GALNT13: variants seen among roughly 807,000 people sequenced by gnomAD.
The protein encoded by GALNT13 is polypeptide N-acetylgalactosaminyltransferase 13, also known as UDP-GalNAc:polypeptide N-acetylgalactosaminyltransferase 13.
A neutral mutation model predicts 64.2 loss-of-function variants in GALNT13; 28 were observed. The ratio of observed to expected loss-of-function variants is 0.44; its 90% confidence interval spans 0.32 to 0.60. The LOEUF is 0.60. Ranked by LOEUF, GALNT13 falls within the 20% of genes least tolerant of loss-of-function variation. The probability of loss-of-function intolerance (pLI) is 0.05; values close to 1 mark genes in which losing one functional copy is unlikely to be tolerated. For synonymous variants in GALNT13, 214 were observed against 224.6 expected (o/e 0.95, Z 0.42); for missense variants, 577 against 669.8 (o/e 0.86, Z 1.53).
At chr2:153,253,196 T>A in the GALNT13 span, among the ~76,000 whole-genome samples, 1 of 149,870 alleles carries the variant, frequency 6.7e-6, no homozygotes, top group Non-Finnish European at 1.5e-5. Flanking sequence ...CCCTTGTAAG[T>A]TGGATTCCTA....
intron 9 of GALNT13, among the ~76,000 whole-genome samples, chr2:154,366,631 T>A (rs1574170701): frequency 6.6e-6 from 1 of 152,160 alleles, no homozygotes; most frequent in Non-Finnish European, 1.5e-5. Context: ...TTCTGAGCAG[T>A]GTTAATCAGG....
chr2:154,373,646 C>T (rs562404687), intron 9 of GALNT13, among the ~76,000 whole-genome samples: 1 of 152,234 alleles, frequency 6.6e-6, no homozygotes, highest in African/African-American at 2.4e-5. Context: ...AAAGAGCATC[C>T]CATGTTTCCA....
intron 3 of GALNT13, among the ~76,000 whole-genome samples, chr2:154,115,247 T>TA (rs1703221762): frequency 6.6e-6 from 1 of 152,194 alleles, no homozygotes. Flanking sequence ...ATCCATATTT[T>TA]AGCTAACTAA....
At chr2:153,712,527 T>C in the GALNT13 span, among the ~76,000 whole-genome samples, 5 of 152,158 alleles carry the variant, frequency 3.3e-5, no homozygotes, top group Non-Finnish European at 7.4e-5. Context: ...AAATAAGTTA[T>C]TGGGTTTCAA....
chr2:153,950,231 C>G (rs1196713914), intron 3 of GALNT13, among the ~76,000 whole-genome samples: 1 of 151,486 alleles, frequency 6.6e-6, no homozygotes, highest in Non-Finnish European at 1.5e-5. Context: ...TTATATATAT[C>G]AAGTATATAT....
chr2:153,621,384 A>G, the GALNT13 span, among the ~76,000 whole-genome samples: 3 of 152,102 alleles, frequency 2.0e-5, no homozygotes, highest in Non-Finnish European at 2.9e-5. Flanking sequence ...CAATGACTGT[A>G]TTGGGTCAGA....
chr2:153,654,837 A>G, the GALNT13 span, among the ~76,000 whole-genome samples: 1 of 151,986 alleles, frequency 6.6e-6, no homozygotes, highest in African/African-American at 2.4e-5. Flanking sequence ...GGAGCAGGTG[A>G]TCTTGGAGCC....
At chr2:154,118,814 T>A (rs1312634954) in intron 3 of GALNT13, among the ~76,000 whole-genome samples, 1 of 152,116 alleles carries the variant, frequency 6.6e-6, no homozygotes, top group Admixed American at 6.6e-5. Flanking sequence ...AACTTAAATT[T>A]TATTGTATAC....
the GALNT13 span, among the ~76,000 whole-genome samples, chr2:153,463,485 C>T: frequency 3.9e-5 from 6 of 152,130 alleles, no homozygotes; most frequent in South Asian, 4.1e-4. Context: ...CCCTGCCTTG[C>T]GCCTATAGCC....
the GALNT13 span, among the ~76,000 whole-genome samples, chr2:153,256,366 G>T: frequency 5.3e-5 from 8 of 152,188 alleles, no homozygotes; most frequent in African/African-American, 9.6e-5. Context: ...TTATACATTC[G>T]TCTAAATTTT....
At chr2:153,712,884 C>T in the GALNT13 span, among the ~76,000 whole-genome samples, 1 of 152,116 alleles carries the variant, frequency 6.6e-6, no homozygotes, top group Non-Finnish European at 1.5e-5. Context: ...AAACATGTAT[C>T]GGTCCACCAT....
At chr2:153,114,755 C>T in the GALNT13 span, among the ~76,000 whole-genome samples, 1 of 152,040 alleles carries the variant, frequency 6.6e-6, no homozygotes, top group Non-Finnish European at 1.5e-5. Flanking sequence ...TGTCAATGAG[C>T]TTAAACAAAG....
At chr2:154,342,692 A>G (rs749766389) in intron 9 of GALNT13, among the ~76,000 whole-genome samples, 5 of 152,064 alleles carry the variant, frequency 3.3e-5, no homozygotes, top group Non-Finnish European at 5.9e-5. Flanking sequence ...TAAGTACAAC[A>G]GAGACTATAT....
chr2:153,461,113 A>G, the GALNT13 span, among the ~76,000 whole-genome samples: 1 of 151,992 alleles, frequency 6.6e-6, no homozygotes, highest in African/African-American at 2.4e-5. Flanking sequence ...CCTTCACTGT[A>G]TTTTCTTATT....
At chr2:154,127,649 T>C (rs1450629595) in intron 3 of GALNT13, among the ~76,000 whole-genome samples, 1 of 150,876 alleles carries the variant, frequency 6.6e-6, no homozygotes, top group Non-Finnish European at 1.5e-5. Flanking sequence ...TATGTGTGTG[T>C]AGATATGGAT....
At chr2:154,169,378 A>G (rs1413048205) in intron 4 of GALNT13, among the ~76,000 whole-genome samples, 1 of 152,220 alleles carries the variant, frequency 6.6e-6, no homozygotes, top group African/African-American at 2.4e-5. Flanking sequence ...TTAAGCTATC[A>G]ACTTCACGTC....
intron 9 of GALNT13, among the ~76,000 whole-genome samples, chr2:154,376,810 A>G (rs866113865): frequency 6.6e-6 from 1 of 152,152 alleles, no homozygotes; most frequent in African/African-American, 2.4e-5. Context: ...GAAGAAATAA[A>G]GCAGAAAAAT....
chr2:153,220,711 A>G, the GALNT13 span, among the ~76,000 whole-genome samples: 1 of 152,224 alleles, frequency 6.6e-6, no homozygotes. Flanking sequence ...GCTTTTTCAT[A>G]AACTCCCACT....
the GALNT13 span, among the ~76,000 whole-genome samples, chr2:153,220,401 G>C: frequency 6.6e-6 from 1 of 152,210 alleles, no homozygotes; most frequent in East Asian, 1.9e-4. Flanking sequence ...TGCATTAAGA[G>C]GCAAAATGGT....
Sources: gnomAD v4.1 joint callset for allele counts (sites outside exome capture counted in the v4.1 genomes callset) on GRCh38, gnomAD v4.1.1 for gene constraint, MANE v1.5 for transcripts, NCBI Gene and HGNC (gene_info 2026-07-23, HGNC 2026-07-21) for gene names.